ZNF880: variants seen among roughly 807,000 people sequenced by gnomAD.
ZNF880 encodes the protein zinc finger protein LOC400713.
A neutral mutation model predicts 11.8 loss-of-function variants in ZNF880; 12 were observed. The ratio of observed to expected loss-of-function variants is 1.02; its 90% confidence interval spans 0.65 to 1.65. The LOEUF is 1.65. Ranked by LOEUF, ZNF880 falls within the 40% of genes most tolerant of loss-of-function variation. The pLI, the probability that ZNF880 is intolerant of heterozygous loss-of-function variation, is 0.00. For missense variants in ZNF880, 601 were observed against 673.9 expected, an observed-to-expected ratio of 0.89 and a Z score of 1.20; for synonymous variants, 210 against 232.4, an observed-to-expected ratio of 0.90 and a Z score of 0.88.
chr19:52,368,664 C>T (rs550779356), upstream of ZNF880, among the ~76,000 whole-genome samples: 7 of 152,240 alleles, frequency 4.6e-5, no homozygotes, highest in Middle Eastern at 3.4e-3. Flanking sequence ...TTACAATTCA[C>T]ACCTAGCATG....
chr19:52,373,603 T>A (rs896990301), intron 2 of ZNF880, among the ~76,000 whole-genome samples: 2 of 151,884 alleles, frequency 1.3e-5, no homozygotes, highest in Non-Finnish European at 2.9e-5. Flanking sequence ...GCTTGATGTC[T>A]GCATGTTACA....
At chr19:52,394,836 C>T in the ZNF880 span, 2 of 141,718 alleles carry the variant, frequency 1.4e-5, no homozygotes, top group South Asian at 2.4e-4. Flanking sequence ...ACTCATGGTC[C>T]ACTTCCTCCA....
the ZNF880 span, chr19:52,391,578 G>C: frequency 6.6e-6 from 1 of 152,110 alleles, no homozygotes; most frequent in Admixed American, 6.6e-5. Flanking sequence ...CAGTAATGAG[G>C]AAAGAGGGGG....
chr19:52,388,282 CTT>C (rs68179783), downstream of ZNF880, among the ~76,000 whole-genome samples: 132 of 63,410 alleles, frequency 2.1e-3, 2 homozygotes, highest in African/African-American at 8.2e-3. Flanking sequence ...GCAATTTGAA[CTT>C]TTTTTTTTTT....
At position 52,383,918 on chromosome 19, in the gene ZNF880, A is replaced by G. The variant is rs773086280; in HGVS notation, c.338A>G (p.Gln113Arg). 8 of 1,562,238 alleles carry G rather than the reference A, an allele frequency of 5.1e-6. No homozygotes were observed. Among genetic ancestry groups the G allele is most frequent in the African/African-American group, 4.1e-5 (3 of 73,392 alleles). The change falls in exon 4 of 4, where the codon CAG becomes CGG. Residue 113 changes from glutamine (Q) to arginine (R), a missense_variant. Gln to Arg is a conservative substitution (Grantham distance 43, BLOSUM62 1). This residue lies in a region of ZNF880 where 420 missense variants were observed against 442.6 expected (regional missense o/e 0.95). Coordinates refer to ENST00000422689, the MANE Select transcript of ZNF880 (RefSeq NM_001145434.2). ...AAAAATCAACTTGGATTAACCTTTC[A>G]GTTACATCTGAGTGAACTGCAGCTA... ...SLKNQLGLTF[Q>R]LHLSELQLFQ...
At chr19:52,393,621 CT>C in the ZNF880 span, among the ~76,000 whole-genome samples, 4 of 152,066 alleles carry the variant, frequency 2.6e-5, 1 homozygote, top group Middle Eastern at 0.014. Flanking sequence ...AACTGCTAAC[CT>C]TGTTAGTATC....
At chr19:52,372,909 CAAAAAAAAAAAAA>C (rs201869014) in intron 1 of ZNF880, among the ~76,000 whole-genome samples, 189 bp from the exon 2 acceptor site, 4 of 69,940 alleles carry the variant, frequency 5.7e-5, no homozygotes, top group South Asian at 5.0e-4. Context: ...GACTCCGTCT[CAAAAAAAAAAAAA>C]AAAAAAAAAA....
At chr19:52,376,507 C>CTTT (rs1568661830) in intron 3 of ZNF880, among the ~76,000 whole-genome samples, 3 of 56,514 alleles carry the variant, frequency 5.3e-5, no homozygotes, top group Non-Finnish European at 8.2e-5. Flanking sequence ...CCCCCCCCCC[C>CTTT]CCTTTTTTTT....
intron 3 of ZNF880, among the ~76,000 whole-genome samples, chr19:52,382,847 T>C (rs1986743537): frequency 6.6e-6 from 1 of 152,194 alleles, no homozygotes; most frequent in East Asian, 1.9e-4. Flanking sequence ...AGATTGGGGA[T>C]GTTTGAACAT....
At chr19:52,387,186 AG>A (rs1449527425), downstream of ZNF880, among the ~76,000 whole-genome samples, 3 of 144,524 alleles carry the variant, frequency 2.1e-5, 1 homozygote, top group African/African-American at 5.4e-5. Context: ...TGCACCATTA[AG>A]GTTGACGCAT....
At chr19:52,375,615 G>A (rs962771971) in intron 3 of ZNF880, among the ~76,000 whole-genome samples, 2 of 151,988 alleles carry the variant, frequency 1.3e-5, no homozygotes, top group African/African-American at 4.8e-5. Flanking sequence ...AGCATTGTAC[G>A]CTACATTCAA....
chr19:52,383,891 T>C lies in ZNF880; in HGVS notation c.311T>C (p.Leu104Pro). 1 of 1,537,166 alleles carries C rather than the reference T, an allele frequency of 6.5e-7. No individual in the cohort carries two copies. Among genetic ancestry groups the C allele is most frequent in the Non-Finnish European group, 8.8e-7 (1 of 1,142,562 alleles). ...GGAAGCAATGCCGGAAACAAGTCTC[T>C]TAAAAATCAACTTGGATTAACCTTT... is the stretch of plus-strand genomic sequence containing the variant. The part of the protein sequence containing the change: ...KLGSNAGNKS[L>P]KNQLGLTFQL... The change falls in exon 4 of 4, where the codon CTT (leucine) becomes CCT (proline). Residue 104 changes from leucine to proline, a missense_variant. Coordinates refer to ENST00000422689, the MANE Select transcript of ZNF880 (RefSeq NM_001145434.2).
chr19:52,369,849 G>T (rs1986303875), upstream of ZNF880: 3 of 1,340,134 alleles, frequency 2.2e-6, no homozygotes, highest in Admixed American at 4.0e-5. Context: ...AGCTGGGAGC[G>T]AGGCGGAGGG....
Position 52,384,195 on chromosome 19 carries a change from C to T in ZNF880, c.615C>T (p.Ile205=). The change falls in exon 4 of 4, where the codon ATC becomes ATT. Residue 205 remains isoleucine, a synonymous_variant. Transcript: ENST00000422689. The part of the protein sequence containing the change: ...VSSRLANNQV[I]HTADNPYKCN... ...CAAGACTTGCTAACAATCAAGTAATCCACACTGCAGATAACCCTTACAAAT... is the reference window on the plus strand; with the variant it reads ...CAAGACTTGCTAACAATCAAGTAATTCACACTGCAGATAACCCTTACAAAT... The T allele has an allele frequency of 6.2e-7, 1 of 1,611,512 alleles. No individual in the cohort carries two copies. Among genetic ancestry groups the T allele is most frequent in the Non-Finnish European group, 8.5e-7 (1 of 1,178,528 alleles).
chr19:52,387,308 G>A (rs892206782), downstream of ZNF880, among the ~76,000 whole-genome samples: 6 of 144,026 alleles, frequency 4.2e-5, no homozygotes, highest in Admixed American at 6.9e-5. Flanking sequence ...TATTCTTTCT[G>A]TGCCACTTCA....
chr19:52,384,269 A>G lies in ZNF880; in HGVS notation c.689A>G (p.His230Arg). The G allele has an allele frequency of 1.2e-6, 2 of 1,613,712 alleles. No individual in the cohort carries two copies. Among genetic ancestry groups the G allele is most frequent in the Non-Finnish European group, 1.7e-6 (2 of 1,179,764 alleles). The change falls in exon 4 of 4, where the codon CAT becomes CGT. Residue 230 changes from histidine to arginine, a missense_variant. By Grantham distance (29) the His-to-Arg change is conservative. This residue lies in a region of ZNF880 where 420 missense variants were observed against 442.6 expected (regional missense o/e 0.95). Transcript: ENST00000422689. ...AGTAACAGTTCAAACCTTGTACAAC[A>G]TCAAAGAATTCATACTGGAGAGAAG... ...VFSNSSNLVQHQRIHTGEKPY... is the reference protein window; with the variant it reads ...VFSNSSNLVQRQRIHTGEKPY...
Position 52,373,243 on chromosome 19 carries a change from G to A in ZNF880, c.139+6G>A. ...CAGGAACCTGGTCTTTCTGGGTGAGGATAATGTCCCTTCAGAAGTCAAGAT... is the reference window on the plus strand; with the variant it reads ...CAGGAACCTGGTCTTTCTGGGTGAGAATAATGTCCCTTCAGAAGTCAAGAT... On this transcript the variant is annotated splice_donor_region_variant and intron_variant, in intron 2 of 3. Coordinates refer to ENST00000422689, the MANE Select transcript of ZNF880 (RefSeq NM_001145434.2). 6.2e-7 allele frequency: 1 copy of A among 1,608,456 alleles called. No homozygotes were observed.
In ZNF880 at chr19:52,384,781, A is replaced by C; in HGVS notation, c.1201A>C (p.Met401Leu). 1.4e-6 allele frequency: 1 copy of C among 733,320 alleles called. No individual in the cohort carries two copies. Among genetic ancestry groups the C allele is most frequent in the Non-Finnish European group, 1.8e-6 (1 of 542,300 alleles). The allele number at this position is 733,320 out of a possible 1,614,324, so 45.4% of individuals were successfully genotyped here. A position where few individuals can be genotyped will look rare whatever the true frequency, so the allele number is the denominator to read the frequency against. ...GTTTTGTCTAACCAATCATCATAGA[A>C]TGCACACGGGAGAGCAACCTTACAA... is the stretch of plus-strand genomic sequence containing the variant. ...HKFCLTNHHRMHTGEQPYKCN... is the reference protein window; with the variant it reads ...HKFCLTNHHRLHTGEQPYKCN... The change falls in exon 4 of 4, where the codon ATG (methionine) becomes CTG (leucine). Residue 401 changes from methionine to leucine, a missense_variant. This residue lies in a region of ZNF880 where 177 missense variants were observed against 214.5 expected (regional missense o/e 0.83). Transcript: ENST00000422689.
Position 52,385,459 on chromosome 19 carries a change from AAGAGAAATCAT to A in ZNF880, c.*148_*158del. 1.0e-6 allele frequency: 1 copy of A among 970,850 alleles called. No individual in the cohort carries two copies. The highest frequency in any genetic ancestry group is 2.9e-5 in the Admixed American group (1 of 34,422). The allele number at this position is 970,850 out of a possible 1,614,324, so 60.1% of individuals were successfully genotyped here. On this transcript the variant is annotated 3_prime_UTR_variant, in exon 4 of 4. Transcript: ENST00000422689. ...AATCAACATCAGAGATTCCATACTAAAGAGAAATCATAGCAATGTATGTGAATCAGGTCTCT... is the reference window on the plus strand; with the variant it reads ...AATCAACATCAGAGATTCCATACTAAAGCAATGTATGTGAATCAGGTCTCT...
Sources: gnomAD v4.1 joint callset for allele counts (sites outside exome capture counted in the v4.1 genomes callset) on GRCh38, gnomAD v4.1.1 for gene constraint, gnomAD v4.1.1 regional missense constraint, MANE v1.5 for transcripts, NCBI Gene and HGNC (gene_info 2026-07-23, HGNC 2026-07-21) for gene names.